Variants in NBEA observed in about 807,000 individuals in gnomAD.
NBEA encodes the protein lysosomal-trafficking regulator 2.
A neutral mutation model predicts 343.4 loss-of-function variants in NBEA; 44 were observed. The observed-to-expected ratio is 0.13, with a 90% confidence interval of 0.10 to 0.16. NBEA has a LOEUF of 0.16. Ranked by LOEUF, NBEA falls within the 10% of genes least tolerant of loss-of-function variation. The pLI, the probability that NBEA is intolerant of heterozygous loss-of-function variation, is 1.00. For missense variants in NBEA, 2,555 were observed against 3,631.3 expected (o/e 0.70, Z 7.62); for synonymous variants, 1,175 against 1,238.7 (o/e 0.95, Z 1.08).
chr13:35,510,164 C>T (rs1190460422), intron 41 of NBEA, among the ~76,000 whole-genome samples: 1 of 152,094 alleles, frequency 6.6e-6, no homozygotes, highest in East Asian at 1.9e-4. Flanking sequence ...AGACTGTGAG[C>T]GTTTGAATGG....
At chr13:34,998,762 C>G (rs1005686738) in intron 1 of NBEA, among the ~76,000 whole-genome samples, 3 of 152,042 alleles carry the variant, frequency 2.0e-5, no homozygotes, top group African/African-American at 4.8e-5. Context: ...TTCAAACACA[C>G]ATGCTGTACA....
intron 45 of NBEA, among the ~76,000 whole-genome samples, chr13:35,572,775 CCAGGCTGGAGTG>C (rs2153030756): frequency 6.6e-6 from 1 of 151,942 alleles, no homozygotes; most frequent in East Asian, 1.9e-4. Flanking sequence ...CCTCTGTCAC[CCAGGCTGGAGTG>C]CAGTGGCATG....
chr13:35,332,549 T>G (rs2038988298), intron 36 of NBEA, among the ~76,000 whole-genome samples: 1 of 152,052 alleles, frequency 6.6e-6, no homozygotes, highest in African/African-American at 2.4e-5. Flanking sequence ...AAGTGAAAAA[T>G]GTAGATGTAG....
In NBEA at chr13:35,108,193, G is replaced by C. The variant is rs116403317; in HGVS notation, c.1681-1097G>C. Reference sequence around the variant, plus strand: ...AGCGAGGAAAGATGTGTTGTGTGATGTGTGCTTCAGGATTGAGTGATAGGT... The same window carrying C: ...AGCGAGGAAAGATGTGTTGTGTGATCTGTGCTTCAGGATTGAGTGATAGGT... On this transcript the variant is annotated intron_variant, in intron 11 of 58. Transcript: ENST00000379939. 2.2e-3 allele frequency among the ~76,000 whole-genome samples: 339 copies of C among 152,150 alleles called. 2 individuals are homozygous for C. The highest frequency in any genetic ancestry group is 7.8e-3 in the African/African-American group (323 of 41,538).
intron 34 of NBEA, among the ~76,000 whole-genome samples, chr13:35,281,544 T>G (rs1318715646): frequency 6.6e-6 from 1 of 152,168 alleles, no homozygotes; most frequent in African/African-American, 2.4e-5. Flanking sequence ...TTTTGGTGAT[T>G]TATGCCTTAA....
intron 1 of NBEA, among the ~76,000 whole-genome samples, chr13:35,001,294 A>G (rs1014659974): frequency 6.6e-6 from 1 of 152,184 alleles, no homozygotes; most frequent in Non-Finnish European, 1.5e-5. Context: ...TAGAACTACC[A>G]TATGATCCAG....
intron 41 of NBEA, among the ~76,000 whole-genome samples, chr13:35,490,455 G>A (rs1170051196): frequency 4.6e-5 from 7 of 151,834 alleles, no homozygotes. Context: ...GGACCAGTTG[G>A]AGATTCCTGA....
At chr13:35,314,364 C>T (rs1479782327) in intron 36 of NBEA, among the ~76,000 whole-genome samples, 1 of 152,086 alleles carries the variant, frequency 6.6e-6, no homozygotes, top group Non-Finnish European at 1.5e-5. Context: ...TTCAGCAGTT[C>T]GCAGTTCAGA....
intron 38 of NBEA, among the ~76,000 whole-genome samples, chr13:35,400,833 G>GA (rs1354799334): frequency 6.6e-6 from 1 of 151,930 alleles, no homozygotes; most frequent in Non-Finnish European, 1.5e-5. Flanking sequence ...GAGAAAAGGA[G>GA]AAAATCACTG....
intron 36 of NBEA, among the ~76,000 whole-genome samples, chr13:35,316,271 C>G (rs193079123): frequency 5.3e-5 from 8 of 151,976 alleles, no homozygotes; most frequent in Admixed American, 2.6e-4. Context: ...CCTCCACCCC[C>G]CAACAGGCCC....
intron 45 of NBEA, among the ~76,000 whole-genome samples, chr13:35,580,344 A>G (rs560828249): frequency 1.3e-5 from 2 of 152,300 alleles, no homozygotes; most frequent in African/African-American, 4.8e-5. Context: ...TGATGTAGTA[A>G]CTATAATGAA....
chr13:35,253,331 G>A (rs528235901), intron 34 of NBEA, among the ~76,000 whole-genome samples: 10 of 152,258 alleles, frequency 6.6e-5, no homozygotes, highest in East Asian at 3.9e-4. Flanking sequence ...TGCTCACTTC[G>A]TGTCTCTTTG....
At position 35,424,341 on chromosome 13, in the gene NBEA, T is replaced by A. The variant is rs1594585899; in HGVS notation, c.6180-7928T>A. On this transcript the variant is annotated intron_variant, in intron 38 of 58. Transcript: ENST00000379939. Reference sequence around the variant, plus strand: ...TACGTCCCATCAATACCTAATTTATTGAGAGTTTTTAGCATGAAGGTTATT... The same window carrying A: ...TACGTCCCATCAATACCTAATTTATAGAGAGTTTTTAGCATGAAGGTTATT... Among the ~76,000 whole-genome samples, 5 of 152,314 alleles carry A rather than the reference T, an allele frequency of 3.3e-5. No homozygotes were observed. In the East Asian group the frequency reaches 7.7e-4, roughly 23 times the overall value.
chr13:35,122,739 G>A (rs1566320267), intron 16 of NBEA, among the ~76,000 whole-genome samples: 2 of 152,124 alleles, frequency 1.3e-5, no homozygotes, highest in Non-Finnish European at 2.9e-5. Flanking sequence ...CTTAGAGTAG[G>A]AACCAGGAAT....
At chr13:35,081,891 T>C (rs1265440106) in intron 10 of NBEA, among the ~76,000 whole-genome samples, 1 of 152,114 alleles carries the variant, frequency 6.6e-6, no homozygotes, top group Non-Finnish European at 1.5e-5. Flanking sequence ...CACCATCACC[T>C]TGAGTATTTA....
In NBEA at chr13:35,671,073, C is replaced by G. The variant is rs574871655; in HGVS notation, c.*82C>G. ...AAGGCAATATCTCTGGTGGAAAAAA[C>G]TCGTCTACATCGACCTCCGTTTGTA... On this transcript the variant is annotated 3_prime_UTR_variant, in exon 59 of 59. Transcript: ENST00000379939. The G allele has an allele frequency of 7.4e-4, 718 of 974,944 alleles. 1 individual carries two copies. The highest frequency in any genetic ancestry group is 9.1e-4 in the Non-Finnish European group (580 of 637,288). 60.4% of individuals were successfully genotyped at this position (974,944 alleles called of 1,614,324 possible).
intron 39 of NBEA, among the ~76,000 whole-genome samples, chr13:35,436,063 A>G (rs2045417698): frequency 6.7e-6 from 1 of 148,470 alleles, no homozygotes; most frequent in Admixed American, 6.7e-5. Context: ...ACTGGTTTCA[A>G]AAAAAAAAAG....
chr13:35,101,744 G>A lies in NBEA; in HGVS notation c.1680+3339G>A, dbSNP rs547216905. On this transcript the variant is annotated intron_variant, in intron 11 of 58. Coordinates refer to ENST00000379939, the MANE Select transcript of NBEA (RefSeq NM_001385012.1). Reference sequence around the variant, plus strand: ...TTCTTTTGTTAAATACCTCTTTAGAGTGCCAATTTTCATTTGGGTTGTCTG... The same window carrying A: ...TTCTTTTGTTAAATACCTCTTTAGAATGCCAATTTTCATTTGGGTTGTCTG... Among the ~76,000 whole-genome samples, 11 of 151,688 alleles carry A rather than the reference G, an allele frequency of 7.3e-5. No individual in the cohort carries two copies. In the East Asian group the frequency reaches 1.9e-3, roughly 27 times the overall value.
At chr13:34,962,827 T>C (rs1199525476) in intron 1 of NBEA, among the ~76,000 whole-genome samples, 1 of 152,090 alleles carries the variant, frequency 6.6e-6, no homozygotes, top group Non-Finnish European at 1.5e-5. Flanking sequence ...GAAGATTTAC[T>C]TGACTTATCA....
Sources: gnomAD v4.1 joint callset for allele counts (sites outside exome capture counted in the v4.1 genomes callset) on GRCh38, gnomAD v4.1.1 for gene constraint, MANE v1.5 for transcripts, NCBI Gene and HGNC (gene_info 2026-07-23, HGNC 2026-07-21) for gene names.